The following SYT6 variants were observed in gnomAD, a reference collection of about 807,000 sequenced individuals.
The protein encoded by SYT6 is synaptotagmin 6.
SYT6 carries 24 observed loss-of-function variants against 38.4 expected under a neutral mutation model. That is an observed-to-expected ratio of 0.62 (90% CI 0.45 to 0.88). SYT6 has a LOEUF of 0.88. SYT6 is among the 40% of genes least tolerant of loss of function. The pLI, the probability that SYT6 is intolerant of heterozygous loss-of-function variation, is 0.00. For synonymous variants in SYT6, 265 were observed against 241.9 expected, an observed-to-expected ratio of 1.10 and a Z score of -0.89; for missense variants, 611 against 621.0, an observed-to-expected ratio of 0.98 and a Z score of 0.17.
chr1:114,097,766 G>A lies in SYT6; in HGVS notation c.1476C>T (p.His492=). Residue 492 remains histidine (H), a synonymous_variant, in exon 6 of 8, where the codon CAC becomes CAT. Transcript: ENST00000610222. ...MLAYPRKPIA[H]WHSLVEVKKS... is the part of the protein sequence containing the mutation. ...TCTTTACCTCCACCAAGGAGTGCCA[G>A]TGTGCGATGGGCTTCCGGGGGTATG... 6.2e-7 allele frequency: 1 copy of A among 1,614,248 alleles called. No homozygotes were observed. Among genetic ancestry groups the A allele is most frequent in the Non-Finnish European group, 8.5e-7 (1 of 1,180,048 alleles).
chr1:114,152,040 C>T (rs1283297624), intron 1 of SYT6, among the ~76,000 whole-genome samples: 2 of 152,122 alleles, frequency 1.3e-5, no homozygotes, highest in Non-Finnish European at 2.9e-5. Context: ...AGGTGGGCTC[C>T]GCTCACCCCA....
chr1:114,096,070 AATATCTC>A lies in SYT6; in HGVS notation c.1515+1650_1515+1656del, dbSNP rs1469382796. Among the ~76,000 whole-genome samples, 6 of 152,094 alleles carry A rather than the reference AATATCTC, an allele frequency of 3.9e-5. No homozygotes were observed. In the East Asian group the frequency reaches 9.6e-4, roughly 24 times the overall value. ...GTTTAGTATACTTGTTCTATTCTTAAATATCTCCAAAGGAAGATAAGTGGGGGAGGAG... is the reference window on the plus strand; with the variant it reads ...GTTTAGTATACTTGTTCTATTCTTAACAAAGGAAGATAAGTGGGGGAGGAG... On this transcript the variant is annotated intron_variant, in intron 6 of 7. Coordinates refer to ENST00000610222, the MANE Select transcript of SYT6 (RefSeq NM_001253772.2).
intron 1 of SYT6, chr1:114,152,415 C>T (rs1679489174): frequency 6.6e-6 from 1 of 152,594 alleles, no homozygotes; most frequent in Non-Finnish European, 1.5e-5. Flanking sequence ...TGCAGAGTCT[C>T]CTGGAACCCC....
intron 3 of SYT6, among the ~76,000 whole-genome samples, chr1:114,130,892 G>T (rs1393936054): frequency 1.3e-5 from 2 of 152,226 alleles, no homozygotes; most frequent in African/African-American, 4.8e-5. Context: ...AGTCAATGAG[G>T]CTTTGGGAGG....
At chr1:114,121,208 A>G (rs1181777992) in intron 3 of SYT6, among the ~76,000 whole-genome samples, 1 of 152,154 alleles carries the variant, frequency 6.6e-6, no homozygotes, top group Non-Finnish European at 1.5e-5. Flanking sequence ...ACTTGCTGAT[A>G]TGAGATGGGC....
chr1:114,150,868 T>C (rs1189989939), intron 1 of SYT6, among the ~76,000 whole-genome samples: 1 of 152,204 alleles, frequency 6.6e-6, no homozygotes, highest in African/African-American at 2.4e-5. Flanking sequence ...AGACTTCCTG[T>C]GCAATTCCTA....
chr1:114,109,853 C>A (rs1367746590), intron 3 of SYT6, among the ~76,000 whole-genome samples: 1 of 152,192 alleles, frequency 6.6e-6, no homozygotes, highest in Non-Finnish European at 1.5e-5. Context: ...AGGATCTAGA[C>A]AGGTCAGTAA....
At chr1:114,124,282 CTGGAAATGA>C (rs1008785840) in intron 3 of SYT6, among the ~76,000 whole-genome samples, 6 of 152,204 alleles carry the variant, frequency 3.9e-5, no homozygotes, top group Non-Finnish European at 8.8e-5. Flanking sequence ...CCCACTGCTC[CTGGAAATGA>C]TGGCCAGTTA....
At chr1:114,097,421 C>T (rs1226062306) in intron 6 of SYT6, among the ~76,000 whole-genome samples, 1 of 152,208 alleles carries the variant, frequency 6.6e-6, no homozygotes, top group Non-Finnish European at 1.5e-5. Context: ...ACAGACTTGG[C>T]CAAGGGCTTT....
Position 114,138,065 on chromosome 1 carries a change from C to G in SYT6, c.513-12G>C. 1 of 1,608,452 alleles carries G rather than the reference C, an allele frequency of 6.2e-7. No homozygotes were observed. Among genetic ancestry groups the G allele is most frequent in the South Asian group, 1.1e-5 (1 of 90,462 alleles). On this transcript the variant is annotated splice_polypyrimidine_tract_variant and intron_variant, in intron 2 of 7. Coordinates refer to ENST00000610222, the MANE Select transcript of SYT6 (RefSeq NM_001253772.2). ...TGAAGGACGTGTGCCTGGTAGAGGG[C>G]AGGAGGGGGCAGAGGGAGTGTGGTC...
intron 1 of SYT6, among the ~76,000 whole-genome samples, chr1:114,146,067 G>A (rs371912042): frequency 1.9e-4 from 29 of 152,258 alleles, no homozygotes; most frequent in South Asian, 6.2e-4. Context: ...CAGGAGGCCC[G>A]TCCTATGCCT....
At chr1:114,104,779 C>CA (rs948979107) in intron 3 of SYT6, among the ~76,000 whole-genome samples, 2 of 152,048 alleles carry the variant, frequency 1.3e-5, no homozygotes. Context: ...ACAAAACAGA[C>CA]AAAAATCCCT....
In SYT6 at chr1:114,097,786, G is replaced by T. The variant is rs201418447; in HGVS notation, c.1456C>A (p.Pro486Thr). The T allele has an allele frequency of 7.4e-6, 12 of 1,614,040 alleles. No homozygotes were observed. The East Asian group carries it at 2.5e-4, about 33-fold the overall frequency. Residue 486 changes from proline (P) to threonine (T), a missense_variant, in exon 6 of 8, where the codon CCC becomes ACC. By Grantham distance (38) the Pro-to-Thr change is conservative (BLOSUM62 -1). Coordinates refer to ENST00000610222, the MANE Select transcript of SYT6 (RefSeq NM_001253772.2). ...TGCCAGTGTGCGATGGGCTTCCGGG[G>T]GTATGCCAGCATCTCGTTCCAGTGG... Reference protein sequence around the residue: ...RDHWNEMLAYPRKPIAHWHSL... With the variant: ...RDHWNEMLAYTRKPIAHWHSL...
At chr1:114,116,978 A>T (rs898256747) in intron 3 of SYT6, among the ~76,000 whole-genome samples, 1 of 152,168 alleles carries the variant, frequency 6.6e-6, no homozygotes, top group African/African-American at 2.4e-5. Flanking sequence ...GGTGGCCTTC[A>T]TCTAGACCCA....
intron 3 of SYT6, among the ~76,000 whole-genome samples, chr1:114,125,824 T>C (rs1677692591): frequency 6.6e-6 from 1 of 152,184 alleles, no homozygotes. Flanking sequence ...GGCCTCTTTT[T>C]TCCTTGGTTT....
chr1:114,093,618 C>A, intron 7 of SYT6, 117 bp downstream of exon 7: 2 of 938,978 alleles, frequency 2.1e-6, no homozygotes, highest in Non-Finnish European at 3.2e-6. Flanking sequence ...TAACACCCAA[C>A]CAAGTGTTCT....
intron 3 of SYT6, among the ~76,000 whole-genome samples, chr1:114,125,427 A>G (rs1056483244): frequency 1.3e-5 from 2 of 152,220 alleles, no homozygotes; most frequent in Non-Finnish European, 2.9e-5. Flanking sequence ...GTGCAGCCCT[A>G]GAGAGGCCCT....
At chr1:114,111,814 C>T (rs182171133) in intron 3 of SYT6, among the ~76,000 whole-genome samples, 50 of 91,226 alleles carry the variant, frequency 5.5e-4, no homozygotes, top group African/African-American at 1.4e-3. Context: ...CCCCACGTTC[C>T]CACAGCTGGC....
intron 3 of SYT6, among the ~76,000 whole-genome samples, chr1:114,119,514 C>G (rs1186074099): frequency 6.6e-6 from 1 of 152,216 alleles, no homozygotes; most frequent in Non-Finnish European, 1.5e-5. Context: ...CTTCTTTAAT[C>G]CTCACAATAA....
Sources: gnomAD v4.1 joint callset for allele counts (sites outside exome capture counted in the v4.1 genomes callset) on GRCh38, gnomAD v4.1.1 for gene constraint, MANE v1.5 for transcripts, NCBI Gene and HGNC (gene_info 2026-07-23, HGNC 2026-07-21) for gene names.